Variants in KCNIP4 observed in about 807,000 individuals in gnomAD.
KCNIP4 encodes Kv channel-interacting protein 4.
Under a neutral mutation model 34.0 loss-of-function variants are expected in KCNIP4, and 12 were observed. The observed-to-expected ratio is 0.35, with a 90% CI of 0.23 to 0.57. The LOEUF is 0.57. KCNIP4 is among the 20% of genes least tolerant of loss of function. The probability of loss-of-function intolerance (pLI) is 0.83; values close to 1 mark genes in which losing one functional copy is unlikely to be tolerated. For missense variants in KCNIP4, 238 were observed against 311.7 expected (o/e 0.76, Z 1.78); for synonymous variants, 124 against 102.2 (o/e 1.21, Z -1.29).
chr4:21,092,283 G>A (rs1440168839), intron 1 of KCNIP4, among the ~76,000 whole-genome samples: 2 of 151,934 alleles, frequency 1.3e-5, no homozygotes, highest in Non-Finnish European at 2.9e-5. Context: ...TATCCTGATA[G>A]CACACCGAGA....
At chr4:21,241,506 T>C (rs574024617) in intron 1 of KCNIP4, among the ~76,000 whole-genome samples, 1 of 152,144 alleles carries the variant, frequency 6.6e-6, no homozygotes, top group Admixed American at 6.5e-5. Context: ...AGGCAAGAGA[T>C]GGAAACATAG....
At chr4:21,652,976 C>T (rs758772766) in intron 1 of KCNIP4, among the ~76,000 whole-genome samples, 2 of 152,114 alleles carry the variant, frequency 1.3e-5, no homozygotes, top group Non-Finnish European at 2.9e-5. Context: ...TGTGATATGT[C>T]ATATAATTCA....
chr4:20,741,660 G>A (rs368077076), intron 5 of KCNIP4, among the ~76,000 whole-genome samples: 2 of 152,058 alleles, frequency 1.3e-5, no homozygotes, highest in Admixed American at 1.3e-4. Context: ...ATTAAAAGAA[G>A]TAGAGAAGCA....
intron 1 of KCNIP4, among the ~76,000 whole-genome samples, chr4:21,081,230 T>G (rs534432569): frequency 6.6e-6 from 1 of 151,944 alleles, no homozygotes. Flanking sequence ...AAATTGACTT[T>G]AAAAGAAGCT....
chr4:21,037,423 T>A (rs1361929465), intron 1 of KCNIP4, among the ~76,000 whole-genome samples: 1 of 152,226 alleles, frequency 6.6e-6, no homozygotes, highest in Non-Finnish European at 1.5e-5. Context: ...TTTCTCTGTT[T>A]AGATACACAA....
intron 1 of KCNIP4, among the ~76,000 whole-genome samples, chr4:21,644,162 T>C (rs1325438939): frequency 6.6e-6 from 1 of 152,130 alleles, no homozygotes; most frequent in African/African-American, 2.4e-5. Context: ...AACTCAAGAT[T>C]GCAATGTAGT....
intron 1 of KCNIP4, among the ~76,000 whole-genome samples, chr4:21,906,538 G>A (rs369430582): frequency 6.6e-6 from 1 of 152,110 alleles, no homozygotes; most frequent in Non-Finnish European, 1.5e-5. Context: ...CTGGCACCTT[G>A]ATTTTGGACT....
intron 1 of KCNIP4, among the ~76,000 whole-genome samples, chr4:21,321,495 C>T (rs755753138): frequency 1.3e-4 from 20 of 151,550 alleles, no homozygotes; most frequent in Admixed American, 2.6e-4. Flanking sequence ...GTAAGAAAAA[C>T]GGAATAAAAT....
At chr4:20,840,478 T>C (rs972294574) in intron 3 of KCNIP4, among the ~76,000 whole-genome samples, 1 of 152,158 alleles carries the variant, frequency 6.6e-6, no homozygotes, top group African/African-American at 2.4e-5. Context: ...TGAAATCAAG[T>C]TGGACCATAT....
At chr4:21,338,264 CAAAAAAAAAA>C (rs869150288) in intron 1 of KCNIP4, among the ~76,000 whole-genome samples, 1 of 50,006 alleles carries the variant, frequency 2.0e-5, no homozygotes. Context: ...GACTCCTTCT[CAAAAAAAAAA>C]AAAAAAAAAA....
rs541392930 is a variant in KCNIP4, at chr4:21,807,396, T to C, written c.61+141175A>G. Among the ~76,000 whole-genome samples, 78 of 152,296 alleles carry C rather than the reference T, an allele frequency of 5.1e-4. 1 individual carries two copies. In the South Asian group the frequency reaches 0.016, roughly 31 times the overall value. On this transcript the variant is annotated intron_variant, in intron 1 of 8. Transcript: ENST00000382152. ...ATCTCCATGAAGGCCAGCTACCTGA[T>C]GGCATGCGTGTTAATACATGGCCAT...
chr4:21,010,267 G>A (rs576840510), intron 1 of KCNIP4, among the ~76,000 whole-genome samples: 6 of 152,142 alleles, frequency 3.9e-5, no homozygotes, highest in Admixed American at 2.6e-4. Context: ...CCTCCCCTTC[G>A]CCAGTCACTG....
chr4:21,433,149 A>G (rs1043782578), intron 1 of KCNIP4, among the ~76,000 whole-genome samples: 8 of 152,366 alleles, frequency 5.3e-5, no homozygotes, highest in African/African-American at 1.7e-4. Flanking sequence ...CTATATGAAG[A>G]AATGAGATTC....
chr4:21,492,284 T>C (rs1732476375), intron 1 of KCNIP4, among the ~76,000 whole-genome samples: 1 of 152,160 alleles, frequency 6.6e-6, no homozygotes, highest in African/African-American at 2.4e-5. Context: ...AGTGGCATGA[T>C]AATAGCTTAC....
rs1027448840 is a variant in KCNIP4 at position 20,807,616 on chromosome 4, T to A, written c.288+42927A>T. 7.9e-5 allele frequency among the ~76,000 whole-genome samples: 12 copies of A among 152,290 alleles called. No homozygotes were observed. In the East Asian group the frequency reaches 2.3e-3, roughly 29 times the overall value. On this transcript the variant is annotated intron_variant, in intron 3 of 8. Coordinates refer to ENST00000382152, the MANE Select transcript of KCNIP4 (RefSeq NM_025221.6). ...TCCTAGAATATACTTATGTCATTTT[T>A]AAAAATGGTTATTATGAGATGAAAG...
At chr4:21,708,655 C>T (rs1030688713) in intron 1 of KCNIP4, among the ~76,000 whole-genome samples, 1 of 152,072 alleles carries the variant, frequency 6.6e-6, no homozygotes, top group East Asian at 1.9e-4. Context: ...GCATTCCCAG[C>T]CTTCCATTTC....
intron 1 of KCNIP4, among the ~76,000 whole-genome samples, chr4:21,886,836 A>G (rs1726794407): frequency 6.6e-6 from 1 of 151,816 alleles, no homozygotes; most frequent in Non-Finnish European, 1.5e-5. Flanking sequence ...TTTATTTTTC[A>G]TTTTTCTTCA....
chr4:21,434,452 T>TG (rs1226145824), intron 1 of KCNIP4, among the ~76,000 whole-genome samples: 3 of 152,126 alleles, frequency 2.0e-5, no homozygotes, highest in Non-Finnish European at 4.4e-5. Flanking sequence ...CTAGAAACAT[T>TG]AGCATCATGT....
At chr4:21,528,404 C>G (rs1360098090) in intron 1 of KCNIP4, among the ~76,000 whole-genome samples, 1 of 152,006 alleles carries the variant, frequency 6.6e-6, no homozygotes, top group Non-Finnish European at 1.5e-5. Context: ...CATGGTGGCT[C>G]ATGCCTGTAA....
Sources: allele counts gnomAD v4.1 joint callset (sites outside exome capture counted in the v4.1 genomes callset), GRCh38; gene constraint gnomAD v4.1.1; transcripts MANE v1.5; gene names NCBI Gene and HGNC (gene_info 2026-07-23, HGNC 2026-07-21).